The following BTN3A1 variants were observed in gnomAD, a reference collection of about 807,000 sequenced individuals.
BTN3A1 encodes butyrophilin subfamily 3 member A1.
A neutral mutation model predicts 43.0 loss-of-function variants in BTN3A1; 24 were observed. The ratio of observed to expected loss-of-function variants is 0.56; its 90% CI spans 0.40 to 0.78. The LOEUF (loss-of-function observed/expected upper bound fraction) is 0.78, where lower values mean the gene tolerates loss of function less well. Ranked by LOEUF, BTN3A1 falls within the 30% of genes least tolerant of loss-of-function variation. The pLI is 0.00. For missense variants in BTN3A1, 533 were observed against 626.2 expected, an observed-to-expected ratio of 0.85 and a Z score of 1.59; for synonymous variants, 181 against 234.7, an observed-to-expected ratio of 0.77 and a Z score of 2.09.
At position 26,407,786 on chromosome 6, in the gene BTN3A1, G is replaced by A; in HGVS notation, c.549G>A (p.Lys183=). Residue 183 remains lysine, a synonymous_variant, in exon 4 of 10, where the codon AAG becomes AAA. Transcript: ENST00000289361. ...CCCAAATACAGTGGAGCAACAACAA[G>A]GGAGAGAACATCCCGACTGTGGAAG... ...PQPQIQWSNN[K]GENIPTVEAP... The A allele has an allele frequency of 1.2e-6, 2 of 1,614,220 alleles. No homozygotes were observed. Among genetic ancestry groups the A allele is most frequent in the Middle Eastern group, 3.3e-4 (2 of 6,062 alleles).
At chr6:26,412,742 A>G (rs766709909) in intron 9 of BTN3A1, 45 of 1,551,340 alleles carry the variant, frequency 2.9e-5, no homozygotes, top group South Asian at 7.1e-5. Context: ...ACTTTGTTAA[A>G]TAAATTGGAT....
chr6:26,408,243 G>A lies in BTN3A1; in HGVS notation c.715+291G>A, dbSNP rs189325123. Among the ~76,000 whole-genome samples the A allele has an allele frequency of 5.8e-3, 864 of 149,224 alleles. 7 individuals carry two copies. Among genetic ancestry groups the A allele is most frequent in the African/African-American group, 0.019 (797 of 41,096 alleles). On this transcript the variant is annotated intron_variant, in intron 4 of 9. Coordinates refer to ENST00000289361, the MANE Select transcript of BTN3A1 (RefSeq NM_007048.6). ...TAAAGTCAAATGACAAAAGGGGAAA[G>A]CATATATATATATATACAAACTCAT... is the stretch of plus-strand genomic sequence containing the variant.
rs1330840264 is a variant in BTN3A1 at position 26,407,782 on chromosome 6, A to C, written c.545A>C (p.Asn182Thr). 1 of 1,614,244 alleles carries C rather than the reference A, an allele frequency of 6.2e-7. No homozygotes were observed. The change falls in exon 4 of 10, where the codon AAC (asparagine) becomes ACC (threonine). Residue 182 changes from asparagine to threonine, a missense_variant. Transcript: ENST00000289361. ...YPQPQIQWSN[N>T]KGENIPTVEA... ...CAACCCCAAATACAGTGGAGCAACA[A>C]CAAGGGAGAGAACATCCCGACTGTG...
intron 1 of BTN3A1, among the ~76,000 whole-genome samples, chr6:26,402,794 A>T (rs527770476): frequency 6.6e-6 from 1 of 152,364 alleles, no homozygotes; most frequent in Admixed American, 6.5e-5. Context: ...TTAAAAATGT[A>T]GAAAAACCTG....
At chr6:26,410,464 T>C (rs748623675) in intron 7 of BTN3A1, among the ~76,000 whole-genome samples, 9 of 151,910 alleles carry the variant, frequency 5.9e-5, no homozygotes, top group Non-Finnish European at 1.0e-4. Context: ...TTTTACATAA[T>C]CTATAGGCTC....
intron 7 of BTN3A1, among the ~76,000 whole-genome samples, chr6:26,410,642 C>T (rs985256825): frequency 1.3e-5 from 2 of 151,704 alleles, no homozygotes; most frequent in Non-Finnish European, 2.9e-5. Flanking sequence ...TTAAATTTCC[C>T]AAATTCTTTT....
chr6:26,409,413 A>T, intron 4 of BTN3A1, 120 bp from the exon 5 acceptor site: 1 of 941,266 alleles, frequency 1.1e-6, no homozygotes, highest in Non-Finnish European at 1.7e-6. Context: ...AAGATTATTT[A>T]ACCTCATGAG....
chr6:26,408,818 A>G (rs1469126617), intron 4 of BTN3A1, among the ~76,000 whole-genome samples: 1 of 152,106 alleles, frequency 6.6e-6, no homozygotes, highest in Non-Finnish European at 1.5e-5. Context: ...AAGTGGAAAA[A>G]CCTCCAAGAT....
At chr6:26,409,823 C>A in intron 5 of BTN3A1, 71 bp from the exon 6 acceptor site, 3 of 1,612,782 alleles carry the variant, frequency 1.9e-6, no homozygotes, top group Non-Finnish European at 2.5e-6. Context: ...AGCTCAGTTG[C>A]TTTTAAGGTT....
intron 5 of BTN3A1, 31 bp from the exon 6 acceptor site, chr6:26,409,863 C>T (rs201566856): frequency 1.1e-5 from 17 of 1,614,030 alleles, no homozygotes; most frequent in Non-Finnish European, 1.2e-5. Flanking sequence ...TCACCTGTAA[C>T]AGTTCATTAT....
intron 4 of BTN3A1, among the ~76,000 whole-genome samples, chr6:26,408,862 G>A (rs980047852): frequency 6.6e-6 from 1 of 152,168 alleles, no homozygotes; most frequent in Non-Finnish European, 1.5e-5. Context: ...ATGCAGAGTG[G>A]TGTGTATGGA....
At chr6:26,412,133 T>C in intron 9 of BTN3A1, 2 of 351,262 alleles carry the variant, frequency 5.7e-6, no homozygotes, top group South Asian at 1.1e-4. Context: ...AACTGCGTGG[T>C]TGAAGGTTTG....
chr6:26,411,958 C>A (rs1762236210), intron 9 of BTN3A1: 1 of 238,746 alleles, frequency 4.2e-6, no homozygotes, highest in Non-Finnish European at 8.0e-6. Flanking sequence ...ACTTCTCATG[C>A]CACCTACTGT....
intron 4 of BTN3A1, among the ~76,000 whole-genome samples, chr6:26,408,910 T>C (rs1021069120): frequency 1.8e-4 from 27 of 152,348 alleles, no homozygotes; most frequent in African/African-American, 6.5e-4. Context: ...AAAACAAGAA[T>C]ATATTTTTAT....
At position 26,406,151 on chromosome 6, in the gene BTN3A1, G is replaced by T. The variant is rs1444917992; in HGVS notation, c.328G>T (p.Ala110Ser). The T allele has an allele frequency of 6.6e-7, 1 of 1,525,586 alleles. No individual in the cohort carries two copies. Among genetic ancestry groups the T allele is most frequent in the African/African-American group, 1.5e-5 (1 of 65,544 alleles). The allele number at this position is 1,525,586 out of a possible 1,614,324, so 94.5% of individuals were successfully genotyped here. The stretch of plus-strand genomic sequence containing the variant: ...GGATGGCATCACTGCAGGGAAGGCT[G>T]CTCTCCGAATACACAACGTCACAGC... ...LRDGITAGKA[A>S]LRIHNVTASD... The change falls in exon 3 of 10, where the codon GCT becomes TCT. Residue 110 changes from alanine (A) to serine (S), a missense_variant. Ala to Ser is a moderately conservative substitution (Grantham distance 99). Transcript: ENST00000289361.
chr6:26,411,126 G>T lies in BTN3A1; in HGVS notation c.982G>T (p.Ala328Ser), dbSNP rs1016249513. 1.2e-6 allele frequency: 2 copies of T among 1,608,770 alleles called. No homozygotes were observed. Among genetic ancestry groups the T allele is most frequent in the Non-Finnish European group, 1.7e-6 (2 of 1,178,166 alleles). The change falls in exon 8 of 10, where the codon GCC (alanine) becomes TCC (serine). Residue 328 changes from alanine to serine, a missense_variant. Physicochemically the swap from Ala to Ser is moderately conservative, Grantham distance 99. Transcript: ENST00000289361. ...QYASRGERHS[A>S]YNEWKKALFK... ...CATTGTAGGGGGAGAGAGACATTCA[G>T]CCTATAATGGTGAGTGAACCTGATG...
intron 4 of BTN3A1, among the ~76,000 whole-genome samples, chr6:26,408,592 C>T (rs1762100399): frequency 6.6e-6 from 1 of 152,230 alleles, no homozygotes; most frequent in Non-Finnish European, 1.5e-5. Context: ...TCTATCCAAA[C>T]TACATCTTTA....
rs547099840 is a variant in BTN3A1, at chr6:26,411,634, C to G, written c.1018+53C>G. ...ACCAACAACCTGAGGGACTATATTC[C>G]TTTTTCCTTTTTACTTCTCCAACTG... On this transcript the variant is annotated intron_variant, in intron 9 of 9. Transcript: ENST00000289361. 19 of 1,572,318 alleles carry G rather than the reference C, an allele frequency of 1.2e-5. 2 individuals carry two copies. The South Asian group carries it at 2.1e-4, about 17-fold the overall frequency.
In BTN3A1 at chr6:26,410,008, TGGA is replaced by T; in HGVS notation, c.942_944del (p.Trp314_Arg315delinsTer). The T allele has an allele frequency of 6.2e-7, 1 of 1,614,198 alleles. No homozygotes were observed. The highest frequency in any genetic ancestry group is 1.7e-4 in the Middle Eastern group (1 of 6,058). ...TTCCCCTGTTCCTTCCGTTGCAGGA[TGGA>T]GAAGTATCCAGTATGCATCTCGTAA... On this transcript the variant is annotated stop_gained and inframe_deletion, in exon 7 of 10. Coordinates refer to ENST00000289361, the MANE Select transcript of BTN3A1 (RefSeq NM_007048.6). LOFTEE classifies it high-confidence loss of function.
Sources: allele counts gnomAD v4.1 joint callset (sites outside exome capture counted in the v4.1 genomes callset), GRCh38; gene constraint gnomAD v4.1.1; transcripts MANE v1.5; gene names NCBI Gene and HGNC (gene_info 2026-07-23, HGNC 2026-07-21).